The following MACROD2 variants were observed in gnomAD, a reference collection of about 807,000 sequenced individuals.
MACROD2 encodes the protein mono-ADP ribosylhydrolase 2.
In MACROD2, 36 loss-of-function variants were observed where a neutral mutation model predicts 70.4. That is an observed-to-expected ratio of 0.51 (90% confidence interval 0.39 to 0.68). The LOEUF (loss-of-function observed/expected upper bound fraction) is 0.68. Ranked by LOEUF, MACROD2 falls within the 30% of genes least tolerant of loss-of-function variation. The pLI is 0.00. For missense variants in MACROD2, 496 were observed against 538.4 expected (o/e 0.92, Z 0.78); for synonymous variants, 172 against 178.8 (o/e 0.96, Z 0.30).
chr20:14,002,009 A>G (rs543576571), intron 1 of MACROD2, among the ~76,000 whole-genome samples: 3 of 152,364 alleles, frequency 2.0e-5, no homozygotes, highest in African/African-American at 4.8e-5. Flanking sequence ...CACCTGGCCC[A>G]TAGTAAACTG....
At chr20:15,047,689 C>T (rs765178141) in intron 5 of MACROD2, among the ~76,000 whole-genome samples, 12 of 152,150 alleles carry the variant, frequency 7.9e-5, no homozygotes, top group Non-Finnish European at 1.5e-4. Context: ...TACTGGAGCT[C>T]TTCTGATTGG....
At chr20:15,555,217 G>A (rs1201122428) in intron 8 of MACROD2, among the ~76,000 whole-genome samples, 2 of 152,136 alleles carry the variant, frequency 1.3e-5, no homozygotes, top group African/African-American at 4.8e-5. Flanking sequence ...CTGTGGTAGA[G>A]AAGCCCTCCT....
intron 3 of MACROD2, among the ~76,000 whole-genome samples, chr20:14,363,650 C>G (rs1368182416): frequency 1.3e-5 from 2 of 148,392 alleles, no homozygotes. Context: ...GAAACCCTGT[C>G]TGTACTAAAA....
intron 6 of MACROD2, among the ~76,000 whole-genome samples, chr20:15,430,284 TC>T (rs1446788670): frequency 1.4e-5 from 2 of 144,484 alleles, no homozygotes; most frequent in Non-Finnish European, 3.1e-5. Flanking sequence ...AATAATAATT[TC>T]TTTTCCTTTG....
intron 4 of MACROD2, among the ~76,000 whole-genome samples, chr20:14,649,437 A>G (rs1361883662): frequency 1.3e-5 from 2 of 152,166 alleles, no homozygotes; most frequent in Non-Finnish European, 2.9e-5. Context: ...CGTTGCTTAT[A>G]GGAACAATCA....
intron 6 of MACROD2, among the ~76,000 whole-genome samples, chr20:15,428,407 A>G (rs117563464): frequency 2.6e-3 from 395 of 152,294 alleles, no homozygotes; most frequent in Non-Finnish European, 4.3e-3. Flanking sequence ...AAAGGCACGT[A>G]AAAAAAGGGC....
At chr20:14,976,875 G>A (rs1401741479) in intron 5 of MACROD2, among the ~76,000 whole-genome samples, 4 of 152,090 alleles carry the variant, frequency 2.6e-5, no homozygotes, top group Admixed American at 6.6e-5. Context: ...AATACAATGC[G>A]GGGCTCTTAC....
chr20:15,457,477 C>T (rs2046743837), intron 7 of MACROD2, among the ~76,000 whole-genome samples: 1 of 152,012 alleles, frequency 6.6e-6, no homozygotes, highest in Non-Finnish European at 1.5e-5. Flanking sequence ...TGAAATATCC[C>T]AGGTGGAAAT....
intron 8 of MACROD2, among the ~76,000 whole-genome samples, chr20:15,524,557 T>C (rs1359229816): frequency 6.6e-6 from 1 of 152,156 alleles, no homozygotes; most frequent in Non-Finnish European, 1.5e-5. Flanking sequence ...TTCTATATAA[T>C]TTCTGTTCTA....
chr20:14,730,906 A>G (rs1332805558), intron 5 of MACROD2, among the ~76,000 whole-genome samples: 3 of 151,924 alleles, frequency 2.0e-5, no homozygotes, highest in Admixed American at 2.0e-4. Flanking sequence ...ACATTGTTAA[A>G]TTAGGTATGC....
In MACROD2 at chr20:14,691,713, G is replaced by T. The variant is rs184560306; in HGVS notation, c.418+6754G>T. 5.3e-5 allele frequency among the ~76,000 whole-genome samples: 8 copies of T among 152,284 alleles called. No homozygotes were observed. In the East Asian group the frequency reaches 1.5e-3, roughly 29 times the overall value. ...CAGCCATCGTGGACTCTCCCAGCAG[G>T]TGTCTGATTGTGAAAGCAGTGGAGT... is the stretch of plus-strand genomic sequence containing the variant. On this transcript the variant is annotated intron_variant, in intron 5 of 17. Transcript: ENST00000684519.
intron 3 of MACROD2, among the ~76,000 whole-genome samples, chr20:14,487,353 G>T (rs892226012): frequency 3.3e-5 from 5 of 152,182 alleles, no homozygotes; most frequent in Non-Finnish European, 7.3e-5. Flanking sequence ...CACATGTCAG[G>T]TTTGCTGAGA....
chr20:14,980,704 G>A (rs1331390570), intron 5 of MACROD2, among the ~76,000 whole-genome samples: 2 of 152,094 alleles, frequency 1.3e-5, no homozygotes, highest in Non-Finnish European at 2.9e-5. Flanking sequence ...TACCTTGGTG[G>A]ATACTCAGTA....
chr20:15,151,685 A>G (rs1478927737), intron 5 of MACROD2, among the ~76,000 whole-genome samples: 2 of 152,090 alleles, frequency 1.3e-5, no homozygotes, highest in Non-Finnish European at 2.9e-5. Flanking sequence ...AAAAGAGCCT[A>G]AACACTCTCT....
chr20:15,925,627 G>A (rs2065477006), intron 10 of MACROD2, among the ~76,000 whole-genome samples: 1 of 152,064 alleles, frequency 6.6e-6, no homozygotes, highest in East Asian at 1.9e-4. Context: ...TCCTTCCACA[G>A]GTATTTGTTG....
intron 6 of MACROD2, among the ~76,000 whole-genome samples, chr20:15,412,759 T>A (rs1034062678): frequency 3.3e-5 from 5 of 152,352 alleles, no homozygotes; most frequent in Middle Eastern, 3.4e-3. Flanking sequence ...TTACTATGTC[T>A]AATGACTTTG....
chr20:15,834,807 G>A (rs1016388165), intron 8 of MACROD2, among the ~76,000 whole-genome samples: 11 of 152,068 alleles, frequency 7.2e-5, no homozygotes, highest in Non-Finnish European at 1.3e-4. Context: ...TAAACATTTT[G>A]TGGTAGCCAG....
intron 6 of MACROD2, among the ~76,000 whole-genome samples, chr20:15,378,734 A>G (rs1041468460): frequency 4.6e-5 from 7 of 152,206 alleles, no homozygotes; most frequent in Non-Finnish European, 2.9e-5. Context: ...ATTTTTATAT[A>G]TGTGAAACTT....
chr20:14,155,307 T>G (rs2055086113), intron 3 of MACROD2, among the ~76,000 whole-genome samples: 1 of 152,194 alleles, frequency 6.6e-6, no homozygotes, highest in Admixed American at 6.5e-5. Context: ...GAAAGATAAT[T>G]GGCTCAAAAA....
Sources: allele counts gnomAD v4.1 joint callset (sites outside exome capture counted in the v4.1 genomes callset), GRCh38; gene constraint gnomAD v4.1.1; transcripts MANE v1.5; gene names NCBI Gene and HGNC (gene_info 2026-07-23, HGNC 2026-07-21).